The following SCFD2 variants were observed in gnomAD, a reference collection of about 807,000 sequenced individuals.
SCFD2 encodes sec1 family domain-containing protein 2.
In SCFD2, 54 loss-of-function variants were observed where a neutral mutation model predicts 58.9. The ratio of observed to expected loss-of-function variants is 0.92; its 90% confidence interval spans 0.74 to 1.15. SCFD2 has a LOEUF of 1.15. Among genes scored for constraint, SCFD2 ranks in the 50% most tolerant of loss-of-function variants. The probability of loss-of-function intolerance (pLI) is 0.00; values close to 1 mark genes in which losing one functional copy is unlikely to be tolerated. For synonymous variants in SCFD2, 321 were observed against 335.9 expected (o/e 0.96, Z 0.49); for missense variants, 805 against 836.6 (o/e 0.96, Z 0.47).
chr4:52,926,782 G>T (rs1314007845), intron 5 of SCFD2, among the ~76,000 whole-genome samples: 6 of 152,166 alleles, frequency 3.9e-5, no homozygotes, highest in Non-Finnish European at 8.8e-5. Context: ...GGGGCAGTTA[G>T]AGAAAGGGTT....
At chr4:52,958,247 C>A (rs1369294416) in intron 5 of SCFD2, among the ~76,000 whole-genome samples, 1 of 152,148 alleles carries the variant, frequency 6.6e-6, no homozygotes, top group African/African-American at 2.4e-5. Flanking sequence ...GTCTTTATTG[C>A]AAGGTTATGA....
rs187163793 is a variant in SCFD2 at position 53,038,950 on chromosome 4, G to A, written c.1561+106383C>T. The stretch of plus-strand genomic sequence containing the variant: ...AGTGATCCTCCTGCCTCAGTCTCTC[G>A]AAGTGTTAGAATTATAGGCGTGAGT... On this transcript the variant is annotated intron_variant, in intron 5 of 8. Coordinates refer to ENST00000401642, the MANE Select transcript of SCFD2 (RefSeq NM_152540.4). Among the ~76,000 whole-genome samples, 878 of 152,164 alleles carry A rather than the reference G, an allele frequency of 5.8e-3. 2 individuals carry two copies. The highest frequency in any genetic ancestry group is 0.02 in the Middle Eastern group (6 of 294).
intron 4 of SCFD2, among the ~76,000 whole-genome samples, chr4:53,216,626 T>C (rs1484418522): frequency 6.6e-6 from 1 of 152,178 alleles, no homozygotes; most frequent in African/African-American, 2.4e-5. Flanking sequence ...TTTTGAAGGG[T>C]TTTTTGTGTC....
rs552441105 is a variant in SCFD2 at position 53,199,810 on chromosome 4, T to C, written c.1312-54228A>G. Among the ~76,000 whole-genome samples, 10 of 152,124 alleles carry C rather than the reference T, an allele frequency of 6.6e-5. No individual in the cohort carries two copies. The South Asian group carries it at 2.1e-3, about 32-fold the overall frequency. On this transcript the variant is annotated intron_variant, in intron 4 of 8. Coordinates refer to ENST00000401642, the MANE Select transcript of SCFD2 (RefSeq NM_152540.4). ...AAACAAGAGAAATCTATTTTCTCAG[T>C]TTTAGAAGCTGGAAGTTTGACATCA... is the stretch of plus-strand genomic sequence containing the variant.
intron 4 of SCFD2, among the ~76,000 whole-genome samples, chr4:53,212,399 C>T (rs1006209041): frequency 3.3e-5 from 5 of 151,804 alleles, no homozygotes; most frequent in African/African-American, 1.2e-4. Context: ...AGGTGTTTGT[C>T]CATGTCACTT....
At chr4:53,141,167 A>C (rs1434081955) in intron 5 of SCFD2, among the ~76,000 whole-genome samples, 2 of 152,222 alleles carry the variant, frequency 1.3e-5, no homozygotes, top group African/African-American at 2.4e-5. Flanking sequence ...AGAACATTCC[A>C]TAAGCCACTT....
chr4:53,280,534 A>C (rs755313479), intron 3 of SCFD2, among the ~76,000 whole-genome samples: 5 of 152,108 alleles, frequency 3.3e-5, no homozygotes, highest in Non-Finnish European at 7.4e-5. Flanking sequence ...AAAAAGAAAG[A>C]AAGCAATTTT....
intron 4 of SCFD2, among the ~76,000 whole-genome samples, chr4:53,175,660 T>G (rs1357445500): frequency 6.6e-6 from 1 of 152,224 alleles, no homozygotes; most frequent in East Asian, 1.9e-4. Context: ...CTTTGGCATC[T>G]TTAAAATTGT....
At chr4:53,253,393 A>T (rs1363324357) in intron 4 of SCFD2, among the ~76,000 whole-genome samples, 1 of 152,124 alleles carries the variant, frequency 6.6e-6, no homozygotes, top group African/African-American at 2.4e-5. Flanking sequence ...TACTGGGTAT[A>T]TACCCAAAGG....
intron 3 of SCFD2, among the ~76,000 whole-genome samples, chr4:53,301,192 T>A (rs1397899750): frequency 6.6e-6 from 1 of 152,032 alleles, no homozygotes; most frequent in African/African-American, 2.4e-5. Context: ...ACAAAATTGA[T>A]AGACCGCTAG....
chr4:52,915,489 T>A (rs1342529564), intron 6 of SCFD2, among the ~76,000 whole-genome samples: 1 of 152,240 alleles, frequency 6.6e-6, no homozygotes, highest in Non-Finnish European at 1.5e-5. Flanking sequence ...TTTATTTTTA[T>A]TTTTTGCTAT....
chr4:53,191,397 T>C (rs1422667366), intron 4 of SCFD2, among the ~76,000 whole-genome samples: 2 of 151,924 alleles, frequency 1.3e-5, no homozygotes, highest in Non-Finnish European at 2.9e-5. Flanking sequence ...TAAATTATGG[T>C]TATATGGGTT....
chr4:53,172,452 CTTCT>C (rs1560368597), intron 4 of SCFD2, among the ~76,000 whole-genome samples: 2 of 152,036 alleles, frequency 1.3e-5, no homozygotes, highest in African/African-American at 2.4e-5. Flanking sequence ...TCAGATCTTT[CTTCT>C]TTGTTTGATA....
At chr4:53,089,844 A>G (rs904190521) in intron 5 of SCFD2, among the ~76,000 whole-genome samples, 18 of 152,240 alleles carry the variant, frequency 1.2e-4, no homozygotes, top group Non-Finnish European at 2.6e-4. Context: ...ATTAATTCAC[A>G]GAACATGTTT....
Position 53,277,498 on chromosome 4 carries a change from C to G in SCFD2, c.1136-3497G>C, listed in dbSNP as rs1228813999. 2.0e-5 allele frequency among the ~76,000 whole-genome samples: 3 copies of G among 151,918 alleles called. No individual in the cohort carries two copies. In the East Asian group the frequency reaches 5.8e-4, roughly 29 times the overall value. Reference sequence around the variant, plus strand: ...TTAATCATGATAGTGGTAAGTACTGCCAAAGAAAAATACAAAATGTCTTGA... The same window carrying G: ...TTAATCATGATAGTGGTAAGTACTGGCAAAGAAAAATACAAAATGTCTTGA... On this transcript the variant is annotated intron_variant, in intron 3 of 8. Coordinates refer to ENST00000401642, the MANE Select transcript of SCFD2 (RefSeq NM_152540.4).
rs562363082 is a variant in SCFD2, at chr4:53,145,558, C to T, written c.1336G>A (p.Val446Ile). 2.2e-5 allele frequency: 35 copies of T among 1,613,862 alleles called. No homozygotes were observed. Among genetic ancestry groups the T allele is most frequent in the South Asian group, 8.8e-5 (8 of 91,010 alleles). The change falls in exon 5 of 9, where the codon GTT becomes ATT. Residue 446 changes from valine to isoleucine, a missense_variant. Val to Ile is a conservative substitution (Grantham distance 29). Around this residue, in one of 3 missense-constraint regions of SCFD2, gnomAD observed 633 missense variants for 646.8 expected, o/e 0.98. Transcript: ENST00000401642. Reference sequence around the variant, plus strand: ...ATGGGCAGCAGCTGATTTAACACAACGGACATTGCTGACTCCCCAATGCTC... The same window carrying T: ...ATGGGCAGCAGCTGATTTAACACAATGGACATTGCTGACTCCCCAATGCTC... ...LQSIGESAMS[V>I]VLNQLLPMIK... is the part of the protein sequence containing the mutation.
At chr4:53,173,128 C>T (rs752708707) in intron 4 of SCFD2, among the ~76,000 whole-genome samples, 4 of 152,038 alleles carry the variant, frequency 2.6e-5, no homozygotes, top group Non-Finnish European at 4.4e-5. Flanking sequence ...CAGTTTTTGA[C>T]TTAAAGTCTA....
At chr4:52,890,792 G>GCTC (rs1718862046) in intron 7 of SCFD2, among the ~76,000 whole-genome samples, 1 of 152,108 alleles carries the variant, frequency 6.6e-6, no homozygotes, top group Non-Finnish European at 1.5e-5. Context: ...CCCCTTTTGA[G>GCTC]GTGTGCGCCC....
intron 5 of SCFD2, among the ~76,000 whole-genome samples, chr4:52,934,722 G>C (rs185090922): frequency 6.6e-6 from 1 of 152,150 alleles, no homozygotes; most frequent in African/African-American, 2.4e-5. Context: ...AAAAAGGTTG[G>C]AGAAATGCAC....
Sources: allele counts gnomAD v4.1 joint callset (sites outside exome capture counted in the v4.1 genomes callset), GRCh38; gene constraint gnomAD v4.1.1; regional missense constraint gnomAD v4.1.1; transcripts MANE v1.5; gene names NCBI Gene and HGNC (gene_info 2026-07-23, HGNC 2026-07-21).